Variants in RXRA observed in about 807,000 individuals in gnomAD.
RXRA encodes retinoic acid receptor RXR-alpha.
Under a neutral mutation model 44.5 loss-of-function variants are expected in RXRA, and 5 were observed. The ratio of observed to expected loss-of-function variants is 0.11; its 90% CI spans 0.06 to 0.24. The LOEUF is 0.24. Ranked by LOEUF, RXRA falls within the 10% of genes least tolerant of loss-of-function variation. The pLI, the probability that RXRA is intolerant of heterozygous loss-of-function variation, is 1.00. For synonymous variants in RXRA, 291 were observed against 271.4 expected (o/e 1.07, Z -0.71); for missense variants, 412 against 646.5 (o/e 0.64, Z 3.93).
intron 7 of RXRA, among the ~76,000 whole-genome samples, chr9:134,430,647 CG>C (rs1375639759): frequency 6.6e-6 from 1 of 151,956 alleles, no homozygotes; most frequent in Non-Finnish European, 1.5e-5. Flanking sequence ...AGGGTCCCCA[CG>C]GGGGCTGCAG....
chr9:134,432,932 C>G (rs1237757312), intron 8 of RXRA, among the ~76,000 whole-genome samples: 1 of 152,020 alleles, frequency 6.6e-6, no homozygotes, highest in Non-Finnish European at 1.5e-5. Flanking sequence ...CGGGAGGGAG[C>G]TATGGGTTTC....
intron 1 of RXRA, among the ~76,000 whole-genome samples, chr9:134,370,853 C>T (rs1477290898): frequency 6.6e-6 from 1 of 152,204 alleles, no homozygotes; most frequent in African/African-American, 2.4e-5. Context: ...CAGGAGAGAA[C>T]GCTGCCAAGA....
rs1346236366 is a variant in RXRA, at chr9:134,343,006, CCTT to C, written c.28+16350_28+16352del. Among the ~76,000 whole-genome samples the C allele has an allele frequency of 6.6e-6, 1 of 152,176 alleles. No homozygotes were observed. Among genetic ancestry groups the C allele is most frequent in the African/African-American group, 2.4e-5 (1 of 41,448 alleles). Reference sequence around the variant, plus strand: ...CGCAGCCTAGGCAGTGGGGGGACCTCCTTCTAGAGAGGCCCCAGCAGATTATGG... The same window carrying C: ...CGCAGCCTAGGCAGTGGGGGGACCTCCTAGAGAGGCCCCAGCAGATTATGG... On this transcript the variant is annotated intron_variant, in intron 1 of 9. Transcript: ENST00000481739. The surrounding 1 kb of genome is among the most constrained non-coding windows in gnomAD (Gnocchi z 4.1).
chr9:134,346,250 GCCCTGCCCT>G (rs1218052812), intron 1 of RXRA, among the ~76,000 whole-genome samples: 19 of 152,126 alleles, frequency 1.2e-4, no homozygotes, highest in Non-Finnish European at 1.9e-4. Flanking sequence ...GTTCATCCTT[GCCCTGCCCT>G]CCCTGCCCTC....
At chr9:134,432,695 A>G (rs1424669670) in intron 8 of RXRA, among the ~76,000 whole-genome samples, 2 of 152,212 alleles carry the variant, frequency 1.3e-5, no homozygotes, top group Non-Finnish European at 2.9e-5. Flanking sequence ...CTTGGGGTTT[A>G]GAGGGTCACG....
chr9:134,333,257 A>T (rs12351315), intron 1 of RXRA, among the ~76,000 whole-genome samples: 63,453 of 152,030 alleles, frequency 0.42, 15,921 homozygotes, highest in African/African-American at 0.71. Context: ...CTTTGATGAT[A>T]GGCTTCAGCC....
chr9:134,410,300 C>T (rs928495122), intron 4 of RXRA, among the ~76,000 whole-genome samples: 16 of 152,162 alleles, frequency 1.1e-4, no homozygotes, highest in Non-Finnish European at 2.1e-4. Flanking sequence ...GATGGGGATT[C>T]GTGTTTCATG....
Position 134,365,748 on chromosome 9 carries a change from G to GGGTCTCGGTT in RXRA, c.29-35882_29-35881insTCTCGGTTGG, listed in dbSNP as rs1830406558. Among the ~76,000 whole-genome samples, 2 of 151,958 alleles carry GGGTCTCGGTT rather than the reference G, an allele frequency of 1.3e-5. No homozygotes were observed. The highest frequency in any genetic ancestry group is 4.8e-5 in the African/African-American group (2 of 41,340). On this transcript the variant is annotated intron_variant, in intron 1 of 9. Transcript: ENST00000481739. This position sits in a 1 kb window ranked among gnomAD's most constrained non-coding sequence, Gnocchi z 4.0. ...CGGCAGAGTCTCGGTGGGTCTCGGT[G>GGGTCTCGGTT]GGGCCAGCTGTCGGTGGGTGAGGTG...
At chr9:134,424,541 A>AGCT in intron 6 of RXRA, 1 of 985,408 alleles carries the variant, frequency 1.0e-6, no homozygotes, top group Non-Finnish European at 1.2e-6. Context: ...ACCCACGAGC[A>AGCT]GCTGACCTTG....
rs1038703921 is a variant in RXRA at position 134,343,694 on chromosome 9, T to A, written c.28+17035T>A. 6.6e-6 allele frequency among the ~76,000 whole-genome samples: 1 copy of A among 152,074 alleles called. No individual in the cohort carries two copies. Among genetic ancestry groups the A allele is most frequent in the Non-Finnish European group, 1.5e-5 (1 of 67,990 alleles). ...CAGAGGAGAGACCGTGTGCACTTGG[T>A]GGACTGCCACGGGCCTGGGGGCCTC... On this transcript the variant is annotated intron_variant, in intron 1 of 9. Coordinates refer to ENST00000481739, the MANE Select transcript of RXRA (RefSeq NM_002957.6). The surrounding 1 kb of genome is among the most constrained non-coding windows in gnomAD (Gnocchi z 4.1).
Position 134,421,750 on chromosome 9 carries a change from G to C in RXRA, c.855G>C (p.Arg285=). The change falls in exon 6 of 10, where the codon CGG becomes CGC. Residue 285 remains arginine, a synonymous_variant. Coordinates refer to ENST00000481739, the MANE Select transcript of RXRA (RefSeq NM_002957.6). The stretch of plus-strand genomic sequence containing the variant: ...TCACCCTGGTGGAGTGGGCCAAGCG[G>C]ATCCCACACTTCTCAGAGCTGCCCC... ...QLFTLVEWAK[R]IPHFSELPLD... The C allele has an allele frequency of 6.2e-7, 1 of 1,604,578 alleles. No homozygotes were observed. The highest frequency in any genetic ancestry group is 8.5e-7 in the Non-Finnish European group (1 of 1,172,734).
chr9:134,424,945 C>T (rs983542899), intron 6 of RXRA: 1 of 985,350 alleles, frequency 1.0e-6, no homozygotes, highest in African/African-American at 1.7e-5. Context: ...CATTATGTCC[C>T]TGTGCTAGGC....
chr9:134,385,463 C>A (rs1830705539), intron 1 of RXRA, among the ~76,000 whole-genome samples: 1 of 152,242 alleles, frequency 6.6e-6, no homozygotes, highest in Non-Finnish European at 1.5e-5. Context: ...CGGCCCCTGC[C>A]TTGCCAGGCC....
intron 5 of RXRA, among the ~76,000 whole-genome samples, chr9:134,419,477 A>G (rs1194647658): frequency 6.6e-6 from 1 of 152,056 alleles, no homozygotes; most frequent in Non-Finnish European, 1.5e-5. Flanking sequence ...CTCACACTGA[A>G]CGCTCCTCTG....
chr9:134,345,930 C>T (rs1335083142), intron 1 of RXRA, among the ~76,000 whole-genome samples: 4 of 152,174 alleles, frequency 2.6e-5, no homozygotes, highest in Non-Finnish European at 2.9e-5. Context: ...TCCAGGAAGC[C>T]CTCCTTGATT....
chr9:134,327,072 C>G (rs1366170391), intron 1 of RXRA, among the ~76,000 whole-genome samples: 8 of 152,022 alleles, frequency 5.3e-5, no homozygotes, highest in South Asian at 2.1e-4. Context: ...CGCTGGGCCC[C>G]GAGCGGCCTC....
At position 134,426,867 on chromosome 9, in the gene RXRA, A is replaced by T; in HGVS notation, c.911-2241A>T. 1.0e-6 allele frequency: 1 copy of T among 985,338 alleles called. No individual in the cohort carries two copies. Among genetic ancestry groups the T allele is most frequent in the Non-Finnish European group, 1.2e-6 (1 of 829,908 alleles). The allele number at this position is 985,338 out of a possible 1,614,324, so 61.0% of individuals were successfully genotyped here. On this transcript the variant is annotated intron_variant, in intron 6 of 9. Coordinates refer to ENST00000481739, the MANE Select transcript of RXRA (RefSeq NM_002957.6). The surrounding 1 kb of genome is among the most constrained non-coding windows in gnomAD (Gnocchi z 4.6). ...GCCCCCTGGGTCCCTGCCCTTGGCC[A>T]CAGGAAGTCTGTCCACACTGGGCCT...
chr9:134,384,581 C>T (rs1451958145), intron 1 of RXRA, among the ~76,000 whole-genome samples: 3 of 152,208 alleles, frequency 2.0e-5, no homozygotes, highest in East Asian at 3.9e-4. Context: ...GCCGGTGGAG[C>T]TGTGGGTGCA....
intron 1 of RXRA, among the ~76,000 whole-genome samples, chr9:134,331,189 C>A (rs890639843): frequency 6.6e-6 from 1 of 152,204 alleles, no homozygotes; most frequent in Non-Finnish European, 1.5e-5. Flanking sequence ...CCCAAGAAGG[C>A]AGGTGGGGCG....
Sources: gnomAD v4.1 joint callset for allele counts (sites outside exome capture counted in the v4.1 genomes callset) on GRCh38, gnomAD v4.1.1 for gene constraint, Gnocchi (gnomAD v3.1) non-coding constraint, MANE v1.5 for transcripts, NCBI Gene and HGNC (gene_info 2026-07-23, HGNC 2026-07-21) for gene names.